Variants in GHR observed in about 807,000 individuals in gnomAD.
GHR encodes GH receptor.
A neutral mutation model predicts 67.1 loss-of-function variants in GHR; 35 were observed. That is an observed-to-expected ratio of 0.52 (90% CI 0.40 to 0.69). GHR has a LOEUF of 0.69. Among genes scored for constraint, GHR ranks in the 30% least tolerant of loss-of-function variants. The pLI is 0.00. For synonymous variants in GHR, 272 were observed against 269.1 expected, an observed-to-expected ratio of 1.01 and a Z score of -0.10; for missense variants, 792 against 764.6, an observed-to-expected ratio of 1.04 and a Z score of -0.42.
At chr5:42,516,434 T>C (rs1747240418) in intron 1 of GHR, among the ~76,000 whole-genome samples, 1 of 152,172 alleles carries the variant, frequency 6.6e-6, no homozygotes, top group African/African-American at 2.4e-5. Flanking sequence ...AATCCTGGCT[T>C]GGCTACTTCC....
chr5:42,654,378 C>G (rs917943326), intron 3 of GHR, among the ~76,000 whole-genome samples: 1 of 152,118 alleles, frequency 6.6e-6, no homozygotes, highest in Non-Finnish European at 1.5e-5. Flanking sequence ...ATGCATGTCC[C>G]GAAAGACCCA....
Position 42,543,288 on chromosome 5 carries a change from C to A in GHR, c.-11-22576C>A, listed in dbSNP as rs566733307. 4.6e-5 allele frequency among the ~76,000 whole-genome samples: 7 copies of A among 152,248 alleles called. No homozygotes were observed. In the South Asian group the frequency reaches 1.5e-3, roughly 32 times the overall value. On this transcript the variant is annotated intron_variant, in intron 1 of 9. Coordinates refer to ENST00000230882, the MANE Select transcript of GHR (RefSeq NM_000163.5). Reference sequence around the variant, plus strand: ...GTAATCCTTTTTCACTACCTCTACACCAGCATTTATTGTTTGTTTTTGGGA... The same window carrying A: ...GTAATCCTTTTTCACTACCTCTACAACAGCATTTATTGTTTGTTTTTGGGA...
chr5:42,576,461 C>T (rs984566832), intron 2 of GHR, among the ~76,000 whole-genome samples: 1 of 152,126 alleles, frequency 6.6e-6, no homozygotes, highest in Admixed American at 6.5e-5. Context: ...ATTGGAATTA[C>T]CAATAGGCTA....
At chr5:42,497,825 G>A (rs746180736) in intron 1 of GHR, among the ~76,000 whole-genome samples, 8 of 152,178 alleles carry the variant, frequency 5.3e-5, no homozygotes, top group Non-Finnish European at 1.0e-4. Context: ...TTGGAAAAGA[G>A]TCACCTGTTT....
chr5:42,621,194 A>C (rs563698116), intron 2 of GHR, among the ~76,000 whole-genome samples: 10 of 152,172 alleles, frequency 6.6e-5, no homozygotes, highest in South Asian at 2.1e-4. Context: ...AACAGTAGGA[A>C]GGAAAAGCTG....
Position 42,630,359 on chromosome 5 carries a change from T to A in GHR, c.136+1256T>A, listed in dbSNP as rs765978268. ...ATATGCTAGAGTCCATATTATGCAA[T>A]AAGGGAAGGGAAGACAGTGTACCTA... On this transcript the variant is annotated intron_variant, in intron 3 of 9. Coordinates refer to ENST00000230882, the MANE Select transcript of GHR (RefSeq NM_000163.5). Among the ~76,000 whole-genome samples the A allele has an allele frequency of 1.5e-4, 20 of 132,298 alleles. 4 individuals carry two copies. Among genetic ancestry groups the A allele is most frequent in the Non-Finnish European group, 2.4e-4 (15 of 62,496 alleles). 86.8% of individuals were successfully genotyped at this position (132,298 alleles called of 152,430 possible). A position where few individuals can be genotyped will look rare whatever the true frequency, so the allele number is the denominator to read the frequency against.
intron 6 of GHR, among the ~76,000 whole-genome samples, chr5:42,700,643 A>G (rs1757889296): frequency 6.6e-6 from 1 of 152,176 alleles, no homozygotes; most frequent in Non-Finnish European, 1.5e-5. Context: ...CAGGAGTATC[A>G]TGCTGCTCCC....
chr5:42,584,788 C>T lies in GHR; in HGVS notation c.70+18844C>T, dbSNP rs915866520. On this transcript the variant is annotated intron_variant, in intron 2 of 9. Coordinates refer to ENST00000230882, the MANE Select transcript of GHR (RefSeq NM_000163.5). ...TTCAGCTTCTTAACTAGAATGTATA[C>T]ACACACACACACACACACACACACA... 4.2e-3 allele frequency among the ~76,000 whole-genome samples: 248 copies of T among 59,704 alleles called. No individual in the cohort carries two copies. In the African/African-American group the frequency reaches 0.047, roughly 11 times the overall value. 39.2% of individuals were successfully genotyped at this position (59,704 alleles called of 152,430 possible).
chr5:42,633,749 A>C (rs2112760330), intron 3 of GHR, among the ~76,000 whole-genome samples: 1 of 152,150 alleles, frequency 6.6e-6, no homozygotes, highest in South Asian at 2.1e-4. Context: ...CATCTTACAC[A>C]CTTTTCTAGC....
chr5:42,472,922 T>C (rs1281559175), intron 1 of GHR, among the ~76,000 whole-genome samples: 2 of 152,154 alleles, frequency 1.3e-5, no homozygotes, highest in Non-Finnish European at 2.9e-5. Flanking sequence ...CTCCCTTAGG[T>C]TGGTTACTCT....
At chr5:42,666,402 C>G (rs920610218) in intron 3 of GHR, among the ~76,000 whole-genome samples, 4 of 152,066 alleles carry the variant, frequency 2.6e-5, no homozygotes, top group African/African-American at 9.7e-5. Context: ...CCTAATAAAT[C>G]TTCAGAATCT....
At chr5:42,541,499 C>T (rs1748515422) in intron 1 of GHR, among the ~76,000 whole-genome samples, 1 of 151,898 alleles carries the variant, frequency 6.6e-6, no homozygotes, top group South Asian at 2.1e-4. Context: ...TCAGATAGGA[C>T]TTTCAGACCA....
chr5:42,600,180 T>G (rs990733129), intron 2 of GHR, among the ~76,000 whole-genome samples: 1 of 152,222 alleles, frequency 6.6e-6, no homozygotes, highest in African/African-American at 2.4e-5. Context: ...AGCATGGAAG[T>G]ACTTTTAGTG....
chr5:42,682,446 T>G (rs1756932869), intron 3 of GHR, among the ~76,000 whole-genome samples: 1 of 152,210 alleles, frequency 6.6e-6, no homozygotes, highest in African/African-American at 2.4e-5. Flanking sequence ...AAAAGTAAGA[T>G]TCTAATAGGA....
intron 1 of GHR, among the ~76,000 whole-genome samples, chr5:42,559,869 C>T (rs1355085264): frequency 1.3e-5 from 2 of 152,162 alleles, no homozygotes; most frequent in Middle Eastern, 3.2e-3. Context: ...TGTTTCAATG[C>T]ATGCCTGGTG....
chr5:42,690,266 C>T (rs1414795830), intron 4 of GHR, among the ~76,000 whole-genome samples: 1 of 152,208 alleles, frequency 6.6e-6, no homozygotes, highest in African/African-American at 2.4e-5. Context: ...AACAAACCTG[C>T]ACTTCAGTGT....
At chr5:42,671,433 C>T (rs1323626245) in intron 3 of GHR, among the ~76,000 whole-genome samples, 1 of 151,980 alleles carries the variant, frequency 6.6e-6, no homozygotes, top group Admixed American at 6.5e-5. Flanking sequence ...CCACCTCCAA[C>T]ATTGGGCATT....
intron 1 of GHR, among the ~76,000 whole-genome samples, chr5:42,459,965 C>T (rs974477313): frequency 2.6e-5 from 4 of 152,186 alleles, no homozygotes; most frequent in African/African-American, 9.6e-5. Flanking sequence ...TCCCCAGATT[C>T]ACAGGTTGAA....
chr5:42,474,891 T>C (rs1745231721), intron 1 of GHR, among the ~76,000 whole-genome samples: 1 of 103,250 alleles, frequency 9.7e-6, no homozygotes, highest in South Asian at 3.0e-4. Flanking sequence ...TTGCCCTTTT[T>C]TTTTTTTTTT....
Sources: gnomAD v4.1 joint callset for allele counts (sites outside exome capture counted in the v4.1 genomes callset) on GRCh38, gnomAD v4.1.1 for gene constraint, MANE v1.5 for transcripts, NCBI Gene and HGNC (gene_info 2026-07-23, HGNC 2026-07-21) for gene names.